The following PLAUR variants were observed in gnomAD, a reference collection of about 807,000 sequenced individuals.
PLAUR encodes the protein urokinase plasminogen activator surface receptor.
PLAUR carries 22 observed loss-of-function variants against 33.4 expected under a neutral mutation model. The observed-to-expected ratio is 0.66, with a 90% CI of 0.47 to 0.94. PLAUR has a LOEUF of 0.94. PLAUR is among the 40% of genes least tolerant of loss of function. PLAUR has a pLI of 0.00. For synonymous variants in PLAUR, 148 were observed against 167.3 expected (o/e 0.88, Z 0.89); for missense variants, 408 against 434.7 (o/e 0.94, Z 0.55).
At position 43,667,794 on chromosome 19, in the gene PLAUR, C is replaced by T. The variant is rs770763042; in HGVS notation, c.56-103G>A. On this transcript the variant is annotated intron_variant, in intron 1 of 6. Transcript: ENST00000340093. ...ATACCAACACCAAGTCTCCAGGCCC[C>T]GTCCATTCAGATTCGTGTCCATGTT... 4.0e-6 allele frequency: 6 copies of T among 1,507,460 alleles called. No homozygotes were observed. In the Admixed American group the frequency reaches 8.2e-5, roughly 21 times the overall value. 93.4% of individuals were successfully genotyped at this position (1,507,460 alleles called of 1,614,324 possible). A position where few individuals can be genotyped will look rare whatever the true frequency, so the allele number is the denominator to read the frequency against.
chr19:43,647,619 C>T (rs927911023), downstream of PLAUR, among the ~76,000 whole-genome samples: 1 of 152,032 alleles, frequency 6.6e-6, no homozygotes, highest in Non-Finnish European at 1.5e-5. Flanking sequence ...CCAGCCTGAA[C>T]AACATGGAGA....
intron 3 of PLAUR, 39 bp from the exon 4 acceptor site, chr19:43,656,679 G>C (rs547075370): frequency 6.6e-7 from 1 of 1,521,074 alleles, no homozygotes; most frequent in Admixed American, 1.9e-5. Context: ...ACTCCATGGG[G>C]ACAGTCCTGG....
Position 43,649,068 on chromosome 19 carries a change from G to A in PLAUR, c.830C>T (p.Ala277Val). ...SMCQHAHLGD[A>V]FSMNHIDVSC... ...GACATCAATGTGGTTCATGCTGAAGGCGTCACCCAGGTGGGCATGTTGGCA... is the reference window on the plus strand; with the variant it reads ...GACATCAATGTGGTTCATGCTGAAGACGTCACCCAGGTGGGCATGTTGGCA... The change falls in exon 7 of 7, where the codon GCC (alanine) becomes GTC (valine). Residue 277 changes from alanine (A) to valine (V), a missense_variant. By Grantham distance (64) the Ala-to-Val change is moderately conservative (BLOSUM62 0). Transcript: ENST00000340093. 6.2e-7 allele frequency: 1 copy of A among 1,614,210 alleles called. No individual in the cohort carries two copies. Among genetic ancestry groups the A allele is most frequent in the Non-Finnish European group, 8.5e-7 (1 of 1,180,022 alleles).
intron 3 of PLAUR, chr19:43,665,042 C>T: frequency 2.1e-6 from 1 of 469,866 alleles, no homozygotes; most frequent in Non-Finnish European, 3.9e-6. Flanking sequence ...TGGAACTGTG[C>T]TTGGAACAGG....
chr19:43,662,299 C>G (rs1403313730), intron 3 of PLAUR, among the ~76,000 whole-genome samples: 1 of 151,992 alleles, frequency 6.6e-6, no homozygotes, highest in Admixed American at 6.6e-5. Context: ...AGTTCGAGAC[C>G]AGCCTGGCCA....
At chr19:43,666,679 T>TG (rs1967269839) in intron 2 of PLAUR, among the ~76,000 whole-genome samples, 1 of 151,868 alleles carries the variant, frequency 6.6e-6, no homozygotes, top group African/African-American at 2.4e-5. Flanking sequence ...ACAATTCTCC[T>TG]GTCTCAGCCT....
intron 1 of PLAUR, chr19:43,668,411 T>A (rs1027830854): frequency 2.1e-5 from 12 of 569,476 alleles, no homozygotes; most frequent in African/African-American, 4.3e-5. Flanking sequence ...CCCTAGCTCC[T>A]CCCCGATGCC....
At chr19:43,651,716 G>A (rs4251949) in intron 6 of PLAUR, 40,602 of 774,022 alleles carry the variant, frequency 0.052, 1,171 homozygotes, top group Middle Eastern at 0.13. Flanking sequence ...AATTACAGGC[G>A]TGAGCCACCA....
chr19:43,650,657 T>C (rs1476955120), intron 6 of PLAUR, among the ~76,000 whole-genome samples: 2 of 152,206 alleles, frequency 1.3e-5, no homozygotes, highest in African/African-American at 4.8e-5. Flanking sequence ...AAACTATACT[T>C]ATTTTTCATT....
chr19:43,649,233 G>A, intron 6 of PLAUR, 90 bp from the exon 7 acceptor site: 1 of 1,432,156 alleles, frequency 7.0e-7, no homozygotes, highest in Non-Finnish European at 9.6e-7. Context: ...TGCAGTGGGT[G>A]CCACCTTCAC....
intron 6 of PLAUR, among the ~76,000 whole-genome samples, chr19:43,649,701 A>G (rs958754461): frequency 6.6e-6 from 1 of 151,580 alleles, no homozygotes; most frequent in East Asian, 1.9e-4. Flanking sequence ...AGGAAGGAAG[A>G]AAGAAAGAAA....
At chr19:43,668,144 G>A (rs1967345195) in intron 1 of PLAUR, 1 of 995,762 alleles carries the variant, frequency 1.0e-6, no homozygotes, top group Non-Finnish European at 1.2e-6. Context: ...CACTCCCAGT[G>A]CCCTAATGGA....
chr19:43,646,922 A>G (rs1442143939), downstream of PLAUR, among the ~76,000 whole-genome samples: 2 of 150,452 alleles, frequency 1.3e-5, no homozygotes, highest in African/African-American at 2.4e-5. Flanking sequence ...CTGGAGTTAC[A>G]GGCACCCACC....
chr19:43,651,494 G>A (rs1973992967), intron 6 of PLAUR, among the ~76,000 whole-genome samples: 1 of 151,600 alleles, frequency 6.6e-6, no homozygotes, highest in Admixed American at 6.6e-5. Context: ...GAGTGCAGTG[G>A]GGTGATCCCC....
At chr19:43,669,915 G>A (rs1324273047) in intron 1 of PLAUR, 151 bp downstream of exon 1, 8 of 702,624 alleles carry the variant, frequency 1.1e-5, no homozygotes, top group South Asian at 5.7e-5. Context: ...ACTGCGCCGC[G>A]TGGCGTTGCA....
chr19:43,663,031 A>C (rs1261954458), intron 3 of PLAUR, among the ~76,000 whole-genome samples: 1 of 151,944 alleles, frequency 6.6e-6, no homozygotes, highest in Non-Finnish European at 1.5e-5. Flanking sequence ...CTCATCCTTC[A>C]AGATCCAGCT....
At chr19:43,655,371 C>G in intron 5 of PLAUR, 68 bp downstream of exon 5, 1 of 1,527,678 alleles carries the variant, frequency 6.5e-7, no homozygotes, top group Non-Finnish European at 9.0e-7. Context: ...AGAGTGACTG[C>G]GCAGCTGTCT....
chr19:43,652,034 A>G (rs1408061333), intron 6 of PLAUR, 191 bp downstream of exon 6: 13 of 1,367,164 alleles, frequency 9.5e-6, no homozygotes, highest in Admixed American at 9.0e-5. Context: ...CCACTTTTCC[A>G]TGGCAAAAAT....
chr19:43,655,602 T>G, intron 4 of PLAUR, 29 bp from the exon 5 acceptor site: 1 of 1,601,820 alleles, frequency 6.2e-7, no homozygotes, highest in East Asian at 2.2e-5. Flanking sequence ...AGAGGTCAGA[T>G]GTCAGATTGT....
Sources: gnomAD v4.1 joint callset for allele counts (sites outside exome capture counted in the v4.1 genomes callset) on GRCh38, gnomAD v4.1.1 for gene constraint, MANE v1.5 for transcripts, NCBI Gene and HGNC (gene_info 2026-07-23, HGNC 2026-07-21) for gene names.